The following RASAL2 variants were observed in gnomAD, a reference collection of about 807,000 sequenced individuals.
The protein encoded by RASAL2 is ras GTPase-activating protein nGAP.
In RASAL2, 58 loss-of-function variants were observed where a neutral mutation model predicts 128.9. The ratio of observed to expected loss-of-function variants is 0.45; its 90% CI spans 0.36 to 0.56. RASAL2 has a LOEUF of 0.56. RASAL2 is among the 20% of genes least tolerant of loss of function. The pLI, the probability that RASAL2 is intolerant of heterozygous loss-of-function variation, is 0.00. For synonymous variants in RASAL2, 561 were observed against 580.8 expected (o/e 0.97, Z 0.49); for missense variants, 1,360 against 1,601.6 (o/e 0.85, Z 2.57).
chr1:178,308,831 G>T (rs1668113628), intron 3 of RASAL2, among the ~76,000 whole-genome samples: 1 of 151,876 alleles, frequency 6.6e-6, no homozygotes, highest in Non-Finnish European at 1.5e-5. Flanking sequence ...AACTTTATTT[G>T]TAAATTAGTG....
chr1:178,198,405 C>G (rs1662748726), intron 1 of RASAL2, among the ~76,000 whole-genome samples: 1 of 152,186 alleles, frequency 6.6e-6, no homozygotes. Context: ...AGCTTTTCTG[C>G]TCTGGTTTCT....
chr1:178,107,783 A>G (rs1413602930), intron 1 of RASAL2, among the ~76,000 whole-genome samples: 2 of 152,220 alleles, frequency 1.3e-5, no homozygotes, highest in Non-Finnish European at 2.9e-5. Flanking sequence ...TGTAACATGT[A>G]TAAAAATTTC....
At chr1:178,274,566 T>C (rs1360781988) in intron 1 of RASAL2, among the ~76,000 whole-genome samples, 1 of 152,124 alleles carries the variant, frequency 6.6e-6, no homozygotes, top group African/African-American at 2.4e-5. Context: ...TTAAGTGCCA[T>C]GCTAGTTTTT....
chr1:178,343,030 A>C (rs902171537), intron 3 of RASAL2, among the ~76,000 whole-genome samples: 2 of 152,204 alleles, frequency 1.3e-5, no homozygotes, highest in African/African-American at 4.8e-5. Context: ...AGGCCACACT[A>C]TTCTAGTGAG....
At position 178,462,026 on chromosome 1, in the gene RASAL2, A is replaced by G. The variant is rs536201133; in HGVS notation, c.3253-2252A>G. Among the ~76,000 whole-genome samples the G allele has an allele frequency of 3.3e-5, 5 of 152,290 alleles. No homozygotes were observed. In the South Asian group the frequency reaches 1.0e-3, roughly 32 times the overall value. On this transcript the variant is annotated intron_variant, in intron 14 of 17. Transcript: ENST00000367649. ...TCAAAGGGAAGATATTCCTAATGGG[A>G]ATTCCTGCTCCTTTTTCTTTTTGTC...
At chr1:178,173,781 G>T (rs1417777426) in intron 1 of RASAL2, among the ~76,000 whole-genome samples, 1 of 151,892 alleles carries the variant, frequency 6.6e-6, no homozygotes, top group South Asian at 2.1e-4. Context: ...TGAAACTGTG[G>T]CATTAAAGTG....
chr1:178,297,857 G>A (rs1249971111), intron 2 of RASAL2, among the ~76,000 whole-genome samples: 2 of 152,028 alleles, frequency 1.3e-5, no homozygotes, highest in Non-Finnish European at 2.9e-5. Context: ...TGATATAGCA[G>A]AGACAAAATA....
chr1:178,151,463 A>G (rs1318055310), intron 1 of RASAL2, among the ~76,000 whole-genome samples: 1 of 152,192 alleles, frequency 6.6e-6, no homozygotes, highest in East Asian at 1.9e-4. Context: ...AAACAAGATT[A>G]TGTATTGATC....
At chr1:178,314,675 T>G (rs964403160) in intron 3 of RASAL2, among the ~76,000 whole-genome samples, 4 of 152,230 alleles carry the variant, frequency 2.6e-5, no homozygotes, top group African/African-American at 9.6e-5. Context: ...CTCTGTGAAG[T>G]AAAGCAAGCT....
At chr1:178,424,111 ATTACT>A (rs1557978203) in intron 5 of RASAL2, among the ~76,000 whole-genome samples, 1 of 151,992 alleles carries the variant, frequency 6.6e-6, no homozygotes, top group East Asian at 1.9e-4. Context: ...TACTCTGCAA[ATTACT>A]TTATTTTTCC....
At chr1:178,309,009 TA>T (rs1668119870) in intron 3 of RASAL2, among the ~76,000 whole-genome samples, 2 of 152,232 alleles carry the variant, frequency 1.3e-5, no homozygotes, top group East Asian at 3.9e-4. Flanking sequence ...TTCTTTCCTT[TA>T]TAAAATAGAG....
rs188438152 is a variant in RASAL2, at chr1:178,114,679, G to A, written c.202+19985G>A. On this transcript the variant is annotated intron_variant, in intron 1 of 17. Transcript: ENST00000367649. ...TGGGACTACAGGCGCCCACCACCAC[G>A]CCCGGCTAATTTTTTCTATCTTTTA... Among the ~76,000 whole-genome samples, 817 of 151,978 alleles carry A rather than the reference G, an allele frequency of 5.4e-3. 6 individuals carry two copies. The highest frequency in any genetic ancestry group is 0.019 in the African/African-American group (775 of 41,474).
chr1:178,414,429 C>T (rs1674619507), intron 4 of RASAL2, among the ~76,000 whole-genome samples: 1 of 152,118 alleles, frequency 6.6e-6, no homozygotes, highest in Non-Finnish European at 1.5e-5. Context: ...TGCACAACAC[C>T]AATAACAAAC....
chr1:178,338,548 A>G (rs1230167952), intron 3 of RASAL2, among the ~76,000 whole-genome samples: 2 of 152,206 alleles, frequency 1.3e-5, no homozygotes, highest in African/African-American at 4.8e-5. Flanking sequence ...CATTCTTCAA[A>G]ATTCAGCAAG....
chr1:178,094,458 G>A lies in RASAL2; in HGVS notation c.-35G>A. 1.3e-6 allele frequency: 2 copies of A among 1,510,952 alleles called. No individual in the cohort carries two copies. The highest frequency in any genetic ancestry group is 2.5e-5 in the South Asian group (2 of 78,890). The allele number at this position is 1,510,952 out of a possible 1,614,324, so 93.6% of individuals were successfully genotyped here. ...GAGCCGCGCGCCAGCCCGCCCCGAAGCCGCCGCCTCGTCCCCCTCCCGCCT... is the reference window on the plus strand; with the variant it reads ...GAGCCGCGCGCCAGCCCGCCCCGAAACCGCCGCCTCGTCCCCCTCCCGCCT... On this transcript the variant is annotated 5_prime_UTR_variant, in exon 1 of 18. Coordinates refer to ENST00000367649, the MANE Select transcript of RASAL2 (RefSeq NM_170692.4).
intron 5 of RASAL2, among the ~76,000 whole-genome samples, chr1:178,431,486 C>T (rs887125119): frequency 6.6e-6 from 1 of 152,042 alleles, no homozygotes. Context: ...TGCTGATAGA[C>T]ACTTAAATTG....
chr1:178,329,574 T>C (rs551515408), intron 3 of RASAL2, among the ~76,000 whole-genome samples: 2 of 152,320 alleles, frequency 1.3e-5, no homozygotes, highest in East Asian at 3.9e-4. Context: ...GACTTCTTGA[T>C]AGTAATATTA....
intron 3 of RASAL2, among the ~76,000 whole-genome samples, chr1:178,302,951 A>G (rs1056096424): frequency 3.9e-5 from 6 of 152,040 alleles, no homozygotes; most frequent in Non-Finnish European, 7.4e-5. Flanking sequence ...CAGGAGGTGG[A>G]GGTTGCAGTG....
intron 1 of RASAL2, among the ~76,000 whole-genome samples, chr1:178,112,766 G>T (rs1291126542): frequency 8.4e-6 from 1 of 119,722 alleles, no homozygotes; most frequent in Non-Finnish European, 1.7e-5. Context: ...GTGGGGGGAG[G>T]GAGGAGGGGG....
Sources: gnomAD v4.1 joint callset for allele counts (sites outside exome capture counted in the v4.1 genomes callset) on GRCh38, gnomAD v4.1.1 for gene constraint, MANE v1.5 for transcripts, NCBI Gene and HGNC (gene_info 2026-07-23, HGNC 2026-07-21) for gene names.